The following TF variants were observed in gnomAD, a reference collection of about 807,000 sequenced individuals.
TF encodes transferrin, also known as serotransferrin.
In TF, 55 loss-of-function variants were observed where a neutral mutation model predicts 82.4. The observed-to-expected ratio is 0.67, with a 90% CI of 0.54 to 0.84. TF has a LOEUF of 0.84. Ranked by LOEUF, TF falls within the 40% of genes least tolerant of loss-of-function variation. The probability of loss-of-function intolerance (pLI) is 0.00; values close to 1 mark genes in which losing one functional copy is unlikely to be tolerated. For synonymous variants in TF, 332 were observed against 332.6 expected (o/e 1.00, Z 0.02); for missense variants, 737 against 868.4 (o/e 0.85, Z 1.90).
the TF span, among the ~76,000 whole-genome samples, chr3:133,725,673 G>T: frequency 7.9e-5 from 12 of 151,650 alleles, no homozygotes; most frequent in Non-Finnish European, 1.0e-4. Context: ...AATTGCCCTG[G>T]CCAGAACTTC....
chr3:133,737,225 T>C, the TF span, among the ~76,000 whole-genome samples: 7 of 152,176 alleles, frequency 4.6e-5, no homozygotes, highest in Non-Finnish European at 1.0e-4. Flanking sequence ...ACTGGGTAAA[T>C]AACGAAATTA....
At chr3:133,758,149 G>A (rs2107918121) in intron 8 of TF, among the ~76,000 whole-genome samples, 1 of 152,334 alleles carries the variant, frequency 6.6e-6, no homozygotes, top group Middle Eastern at 3.4e-3. Flanking sequence ...GGCTTTACAG[G>A]AAATCCACAT....
rs557737337 is a variant in TF, at chr3:133,778,662, G to A, written c.*42G>A. ...CTGCCACCAAGGTGAAGATGGGAACGCAGATGATCCATGAGTTTGCCCTGG... is the reference window on the plus strand; with the variant it reads ...CTGCCACCAAGGTGAAGATGGGAACACAGATGATCCATGAGTTTGCCCTGG... On this transcript the variant is annotated 3_prime_UTR_variant, in exon 17 of 17. Coordinates refer to ENST00000402696, the MANE Select transcript of TF (RefSeq NM_001063.4). 1.8e-5 allele frequency: 29 copies of A among 1,609,216 alleles called. No individual in the cohort carries two copies. The highest frequency in any genetic ancestry group is 8.4e-5 in the Admixed American group (5 of 59,798).
At chr3:133,761,744 A>C (rs8177261) in intron 9 of TF, 47,488 of 152,266 alleles carry the variant, frequency 0.31, 7,832 homozygotes, top group East Asian at 0.43. Context: ...CTGTGAAGCT[A>C]GCTAGGTGGA....
At chr3:133,705,551 C>A in the TF span, among the ~76,000 whole-genome samples, 4 of 152,124 alleles carry the variant, frequency 2.6e-5, no homozygotes, top group African/African-American at 7.2e-5. Context: ...TGGGATGGAA[C>A]CTATCTTCAA....
In TF at chr3:133,790,512, C is replaced by T. The variant is rs556377398; in HGVS notation, c.*11892C>T. On this transcript the variant is annotated 3_prime_UTR_variant, in exon 17 of 17. Transcript: ENST00000402696. ...TAAGGAACCAGTAAGTAGAGGAGAA[C>T]GATATGGAAAAAGTTTAGATAATAA... is the stretch of plus-strand genomic sequence containing the variant. 1.1e-4 allele frequency: 16 copies of T among 152,144 alleles called. No homozygotes were observed. The highest frequency in any genetic ancestry group is 3.1e-4 in the African/African-American group (13 of 41,500). 9.4% of individuals were successfully genotyped at this position (152,144 alleles called of 1,614,324 possible).
In TF at chr3:133,768,141, C is replaced by T; in HGVS notation, c.1599C>T (p.Tyr533=). The T allele has an allele frequency of 6.2e-7, 1 of 1,614,200 alleles. No homozygotes were observed. The highest frequency in any genetic ancestry group is 1.6e-4 in the Middle Eastern group (1 of 6,062). ...GTGAACCCAACAACAAAGAGGGATA[C>T]TACGGCTACACAGGCGCTTTCAGGT... ...NLCEPNNKEG[Y]YGYTGAFRCL... The change falls in exon 13 of 17, where the codon TAC becomes TAT. Residue 533 remains tyrosine (Y), a synonymous_variant. Transcript: ENST00000402696.
the TF span, among the ~76,000 whole-genome samples, chr3:133,736,354 C>G: frequency 7.5e-4 from 114 of 152,234 alleles, 1 homozygote; most frequent in East Asian, 0.021. Context: ...AAAAACATAA[C>G]AAATTGTAAA....
At position 133,780,642 on chromosome 3, in the gene TF, A is replaced by G. The variant is rs1934496302; in HGVS notation, c.*2022A>G. ...AATTATACAAGAAAAATAAGTTATA[A>G]TATTTAAAGAAATGCCAAAATTACT... On this transcript the variant is annotated 3_prime_UTR_variant, in exon 17 of 17. Transcript: ENST00000402696. 6.6e-6 allele frequency: 1 copy of G among 152,200 alleles called. No homozygotes were observed. Among genetic ancestry groups the G allele is most frequent in the Admixed American group, 6.5e-5 (1 of 15,280 alleles). 9.4% of individuals were successfully genotyped at this position (152,200 alleles called of 1,614,324 possible).
upstream of TF, chr3:133,746,057 T>C: frequency 2.5e-6 from 1 of 394,632 alleles, no homozygotes; most frequent in South Asian, 2.2e-5. Context: ...CAGATAGGAC[T>C]GGTGGCACGG....
the TF span, among the ~76,000 whole-genome samples, chr3:133,707,907 G>A: frequency 6.6e-6 from 1 of 152,154 alleles, no homozygotes; most frequent in Non-Finnish European, 1.5e-5. Context: ...TATATTGGAA[G>A]TAAATGCAGT....
chr3:133,683,987 A>G, the TF span, among the ~76,000 whole-genome samples: 1 of 152,250 alleles, frequency 6.6e-6, no homozygotes, highest in African/African-American at 2.4e-5. Context: ...AAGAACAGAG[A>G]TTATAACAAA....
upstream of TF, among the ~76,000 whole-genome samples, chr3:133,742,543 C>T (rs1195349331): frequency 6.6e-6 from 1 of 152,024 alleles, no homozygotes; most frequent in African/African-American, 2.4e-5. Flanking sequence ...CTAAAAGTAC[C>T]CTGCCCAGTC....
In TF at chr3:133,748,275, C is replaced by T. The variant is rs1933560075; in HGVS notation, c.44-137C>T. Reference sequence around the variant, plus strand: ...GACTCAGAATGCAGTAGAACTTGTGCCCTGTAGTGTTCATGGACAGGAGTG... The same window carrying T: ...GACTCAGAATGCAGTAGAACTTGTGTCCTGTAGTGTTCATGGACAGGAGTG... On this transcript the variant is annotated intron_variant, in intron 1 of 16. Coordinates refer to ENST00000402696, the MANE Select transcript of TF (RefSeq NM_001063.4). 2.8e-6 allele frequency: 3 copies of T among 1,088,572 alleles called. No homozygotes were observed. The Admixed American group carries it at 5.9e-5, about 22-fold the overall frequency. 67.4% of individuals were successfully genotyped at this position (1,088,572 alleles called of 1,614,324 possible).
chr3:133,748,351 G>C (rs1291487276), intron 1 of TF, 61 bp from the exon 2 acceptor site: 1 of 1,605,462 alleles, frequency 6.2e-7, no homozygotes, highest in African/African-American at 1.3e-5. Context: ...TTCTAGGGGC[G>C]ATGCTGTCTC....
the TF span, among the ~76,000 whole-genome samples, chr3:133,729,367 C>T: frequency 4.4e-4 from 67 of 152,198 alleles, 2 homozygotes; most frequent in Admixed American, 1.1e-3. Context: ...CAATGGCGGG[C>T]GCCCCTCCCC....
At chr3:133,705,651 T>C in the TF span, among the ~76,000 whole-genome samples, 2 of 152,210 alleles carry the variant, frequency 1.3e-5, no homozygotes, top group Non-Finnish European at 2.9e-5. Flanking sequence ...TTATTGACTA[T>C]TGAGATTGAG....
chr3:133,708,713 T>C, the TF span, among the ~76,000 whole-genome samples: 1 of 150,316 alleles, frequency 6.7e-6, no homozygotes, highest in African/African-American at 2.4e-5. Context: ...TATATGTATA[T>C]ATGTATAAAT....
At chr3:133,711,721 G>A in the TF span, among the ~76,000 whole-genome samples, 54 of 152,302 alleles carry the variant, frequency 3.5e-4, no homozygotes, top group Admixed American at 1.3e-4. Context: ...TCTTTGCAAA[G>A]TGCAGATATG....
Sources: allele counts gnomAD v4.1 joint callset (sites outside exome capture counted in the v4.1 genomes callset), GRCh38; gene constraint gnomAD v4.1.1; transcripts MANE v1.5; gene names NCBI Gene and HGNC (gene_info 2026-07-23, HGNC 2026-07-21).